TXNDC12: variants seen among roughly 807,000 people sequenced by gnomAD.
TXNDC12 encodes thioredoxin domain-containing protein 12.
Under a neutral mutation model 24.2 loss-of-function variants are expected in TXNDC12, and 22 were observed. The ratio of observed to expected loss-of-function variants is 0.91; its 90% CI spans 0.65 to 1.30. TXNDC12 has a LOEUF of 1.30. Among genes scored for constraint, TXNDC12 ranks in the 50% most tolerant of loss-of-function variants. The pLI is 0.00. For missense variants in TXNDC12, 184 were observed against 205.8 expected (o/e 0.89, Z 0.65); for synonymous variants, 58 against 73.4 (o/e 0.79, Z 1.07).
At chr1:52,033,942 G>T (rs977019538) in intron 2 of TXNDC12, 2 of 1,428,536 alleles carry the variant, frequency 1.4e-6, no homozygotes, top group African/African-American at 1.4e-5. Context: ...TCTCAGAAAG[G>T]AGATACAGAG....
At chr1:52,052,859 T>C (rs1309433011) in intron 1 of TXNDC12, among the ~76,000 whole-genome samples, 1 of 152,204 alleles carries the variant, frequency 6.6e-6, no homozygotes, top group Non-Finnish European at 1.5e-5. Context: ...GAGGTAGTTA[T>C]GATGCCCATT....
chr1:52,046,862 AAAAAATATATATATAT>A (rs1334730910), intron 1 of TXNDC12, among the ~76,000 whole-genome samples: 1 of 109,766 alleles, frequency 9.1e-6, no homozygotes, highest in Non-Finnish European at 1.7e-5. Flanking sequence ...CTAAAAAAAA[AAAAAATATATATATAT>A]ATATATATAT....
At chr1:52,026,520 C>T (rs933212851) in intron 4 of TXNDC12, among the ~76,000 whole-genome samples, 2 of 152,182 alleles carry the variant, frequency 1.3e-5, no homozygotes, top group Non-Finnish European at 2.9e-5. Context: ...TTGTGGTCTG[C>T]ATGTATGACT....
At chr1:52,041,061 G>A (rs1199578827) in intron 2 of TXNDC12, among the ~76,000 whole-genome samples, 2 of 151,368 alleles carry the variant, frequency 1.3e-5, no homozygotes, top group African/African-American at 4.9e-5. Context: ...GGCCGGGCGC[G>A]GTGGCTCACG....
chr1:52,046,864 A>T (rs1240774287), intron 1 of TXNDC12, among the ~76,000 whole-genome samples: 194 of 34,172 alleles, frequency 5.7e-3, no homozygotes, highest in Non-Finnish European at 7.7e-3. Context: ...AAAAAAAAAA[A>T]AAATATATAT....
chr1:52,052,970 G>T (rs191526531), intron 1 of TXNDC12, among the ~76,000 whole-genome samples: 1 of 152,100 alleles, frequency 6.6e-6, no homozygotes, highest in Non-Finnish European at 1.5e-5. Context: ...TAGGCCTGGC[G>T]CAGTGGCTCC....
chr1:52,036,144 A>G (rs1401847458), intron 2 of TXNDC12, among the ~76,000 whole-genome samples: 1 of 152,176 alleles, frequency 6.6e-6, no homozygotes, highest in African/African-American at 2.4e-5. Flanking sequence ...ACACCATCAA[A>G]AATCAGCATA....
chr1:52,054,881 A>G (rs959692280), intron 1 of TXNDC12, 119 bp downstream of exon 1: 9 of 710,814 alleles, frequency 1.3e-5, no homozygotes, highest in African/African-American at 1.3e-4. Flanking sequence ...GAAGATAAAA[A>G]GAAATCTGGA....
intron 1 of TXNDC12, among the ~76,000 whole-genome samples, chr1:52,045,600 C>A (rs147517305): frequency 4.0e-5 from 6 of 151,882 alleles, no homozygotes; most frequent in Non-Finnish European, 7.4e-5. Flanking sequence ...TTGTTTAAGC[C>A]GGTTAGTCTG....
At chr1:52,043,308 CCTCT>C (rs749430749) in intron 1 of TXNDC12, among the ~76,000 whole-genome samples, 7 of 152,304 alleles carry the variant, frequency 4.6e-5, no homozygotes, top group East Asian at 1.9e-4. Flanking sequence ...CTTTCTTATT[CCTCT>C]CTGTTTCCTT....
chr1:52,038,214 C>A (rs1685919732), intron 2 of TXNDC12, among the ~76,000 whole-genome samples: 2 of 152,040 alleles, frequency 1.3e-5, no homozygotes, highest in Non-Finnish European at 1.5e-5. Context: ...CATTAAACAC[C>A]TGTTCAGGCA....
chr1:52,051,384 TA>T (rs67087793), intron 1 of TXNDC12, among the ~76,000 whole-genome samples: 119 of 152,232 alleles, frequency 7.8e-4, no homozygotes, highest in Non-Finnish European at 1.3e-3. Context: ...TTTATTTATT[TA>T]TTTTTTTTGA....
chr1:52,038,324 T>C (rs1332653784), intron 2 of TXNDC12, among the ~76,000 whole-genome samples: 2 of 151,942 alleles, frequency 1.3e-5, no homozygotes, highest in East Asian at 1.9e-4. Context: ...TGTTTTTTTT[T>C]TTTTTGAGAC....
chr1:52,023,650 G>A (rs2783178), intron 5 of TXNDC12, 76 bp from the exon 6 acceptor site: 1,072,135 of 1,090,218 alleles, frequency 0.98, 528,963 homozygotes, highest in East Asian at 1. Context: ...CTGGTACATC[G>A]GGCCCTCTGG....
chr1:52,038,500 C>T (rs1193105159), intron 2 of TXNDC12, among the ~76,000 whole-genome samples: 2 of 151,878 alleles, frequency 1.3e-5, no homozygotes, highest in Non-Finnish European at 1.5e-5. Flanking sequence ...TTTGTAGAGA[C>T]GGGGTTTCAC....
At chr1:52,051,120 G>A (rs1271361228) in intron 1 of TXNDC12, among the ~76,000 whole-genome samples, 1 of 152,126 alleles carries the variant, frequency 6.6e-6, no homozygotes, top group Admixed American at 6.6e-5. Flanking sequence ...GTCAATACAT[G>A]AAAAATGCAC....
chr1:52,051,500 C>T (rs1451016030), intron 1 of TXNDC12, among the ~76,000 whole-genome samples: 3 of 152,136 alleles, frequency 2.0e-5, no homozygotes, highest in South Asian at 2.1e-4. Context: ...CTCAGCCTCC[C>T]GAGTAGCTAG....
chr1:52,026,389 G>C (rs1385341839), intron 4 of TXNDC12, among the ~76,000 whole-genome samples: 1 of 152,054 alleles, frequency 6.6e-6, no homozygotes, highest in Non-Finnish European at 1.5e-5. Context: ...TATGACTCAG[G>C]ATTCCAAGAC....
At chr1:52,033,599 C>A (rs1451888291) in intron 2 of TXNDC12, 1 of 1,613,284 alleles carries the variant, frequency 6.2e-7, no homozygotes, top group South Asian at 1.1e-5. Flanking sequence ...AATGCCTTCT[C>A]ACGGGCAGAA....
Sources: gnomAD v4.1 joint callset for allele counts (sites outside exome capture counted in the v4.1 genomes callset) on GRCh38, gnomAD v4.1.1 for gene constraint, MANE v1.5 for transcripts, NCBI Gene and HGNC (gene_info 2026-07-23, HGNC 2026-07-21) for gene names.